Variants in RABGAP1 observed in about 807,000 individuals in gnomAD.
RABGAP1 encodes the protein rab GTPase-activating protein 1.
In RABGAP1, 23 loss-of-function variants were observed where a neutral mutation model predicts 137.6. That is an observed-to-expected ratio of 0.17 (90% confidence interval 0.12 to 0.24). RABGAP1 has a LOEUF of 0.24. Among genes scored for constraint, RABGAP1 ranks in the 10% least tolerant of loss-of-function variants. RABGAP1 has a pLI of 1.00. For synonymous variants in RABGAP1, 451 were observed against 450.7 expected, an observed-to-expected ratio of 1.00 and a Z score of -0.01; for missense variants, 906 against 1,275.8, an observed-to-expected ratio of 0.71 and a Z score of 4.42.
chr9:122,980,677 ATAGGCAT>A (rs1835999007), intron 2 of RABGAP1, among the ~76,000 whole-genome samples: 1 of 152,224 alleles, frequency 6.6e-6, no homozygotes, highest in Non-Finnish European at 1.5e-5. Context: ...TCTAGTGGAG[ATAGGCAT>A]GTGCCAAAAG....
intron 10 of RABGAP1, 116 bp from the exon 11 acceptor site, chr9:123,010,238 C>G: frequency 3.4e-6 from 3 of 880,986 alleles, no homozygotes; most frequent in Non-Finnish European, 3.3e-6. Flanking sequence ...TGTATGAAAT[C>G]AGAAGTGATT....
At chr9:122,961,389 C>A (rs1009194576) in intron 2 of RABGAP1, among the ~76,000 whole-genome samples, 12 of 151,972 alleles carry the variant, frequency 7.9e-5, no homozygotes, top group African/African-American at 2.7e-4. Context: ...GCACTTAAAC[C>A]AAAAAAACTG....
intron 15 of RABGAP1, chr9:123,071,411 G>C (rs1163148829): frequency 6.6e-6 from 1 of 152,164 alleles, no homozygotes; most frequent in Non-Finnish European, 1.5e-5. Flanking sequence ...TCATGATTCA[G>C]TTTAAAATGC....
chr9:123,058,118 T>C (rs1380345959), intron 13 of RABGAP1, among the ~76,000 whole-genome samples: 1 of 152,034 alleles, frequency 6.6e-6, no homozygotes, highest in African/African-American at 2.4e-5. Flanking sequence ...TGAGTGATTG[T>C]GGAAACTGTC....
chr9:123,099,446 A>C (rs2035278003), intron 23 of RABGAP1, 32 bp from the exon 24 acceptor site: 1 of 1,559,750 alleles, frequency 6.4e-7, no homozygotes, highest in Admixed American at 1.7e-5. Context: ...ACAATTGCTC[A>C]AGAGATTGTT....
At chr9:123,048,140 T>C (rs539004846) in intron 13 of RABGAP1, among the ~76,000 whole-genome samples, 4 of 152,140 alleles carry the variant, frequency 2.6e-5, no homozygotes, top group South Asian at 2.1e-4. Flanking sequence ...GGTTTCACCA[T>C]GTTGGCCAGG....
intron 6 of RABGAP1, among the ~76,000 whole-genome samples, chr9:122,991,879 G>A: frequency 6.6e-6 from 1 of 151,998 alleles, no homozygotes; most frequent in East Asian, 1.9e-4. Context: ...GGGATTACAG[G>A]CATGAGCCAA....
chr9:122,934,461 TTG>T, the RABGAP1 span, among the ~76,000 whole-genome samples: 1 of 152,098 alleles, frequency 6.6e-6, no homozygotes, highest in Non-Finnish European at 1.5e-5. Flanking sequence ...AGCATGTGGA[TTG>T]TGTGTGTGTG....
chr9:123,078,983 T>TTG (rs1233581514), intron 19 of RABGAP1, among the ~76,000 whole-genome samples: 5 of 152,190 alleles, frequency 3.3e-5, no homozygotes, highest in Non-Finnish European at 7.3e-5. Context: ...TCTTTCCAAA[T>TTG]GTTTTTTATG....
chr9:123,073,729 G>T (rs1472769947), intron 16 of RABGAP1, 52 bp downstream of exon 16: 2 of 1,601,278 alleles, frequency 1.2e-6, no homozygotes, highest in African/African-American at 2.7e-5. Context: ...GGACTAAGGA[G>T]CACCAAATTG....
intron 1 of RABGAP1, among the ~76,000 whole-genome samples, chr9:122,942,722 A>G (rs1408305942): frequency 1.3e-5 from 2 of 151,172 alleles, no homozygotes; most frequent in African/African-American, 4.8e-5. Context: ...AGAAGTCTTT[A>G]TAAATCTTCC....
intron 13 of RABGAP1, 21 bp downstream of exon 13, chr9:123,020,480 C>A (rs775542156): frequency 6.6e-7 from 1 of 1,516,188 alleles, no homozygotes; most frequent in Non-Finnish European, 8.9e-7. Flanking sequence ...GATAATTCAG[C>A]TTCAGCATTA....
At chr9:122,939,647 A>G (rs567132338), upstream of RABGAP1, 1 of 152,324 alleles carries the variant, frequency 6.6e-6, no homozygotes, top group East Asian at 1.9e-4. Context: ...AAATACATGA[A>G]AGTATGGGCA....
chr9:122,945,147 C>CTTTGTTTTTTTTTTTTTTTTTTTTT (rs1833873059), intron 1 of RABGAP1, among the ~76,000 whole-genome samples: 2 of 75,772 alleles, frequency 2.6e-5, no homozygotes, highest in Non-Finnish European at 5.7e-5. Flanking sequence ...ATAGCTGTTG[C>CTTTGTTTTTTTTTTTTTTTTTTTTT]TTTTTTTTTT....
At chr9:122,965,410 G>T (rs183967677) in intron 2 of RABGAP1, among the ~76,000 whole-genome samples, 1 of 152,064 alleles carries the variant, frequency 6.6e-6, no homozygotes, top group Non-Finnish European at 1.5e-5. Flanking sequence ...TTTTTGAGAC[G>T]GAGTCTCTTG....
chr9:123,050,167 T>G (rs1479290689), intron 13 of RABGAP1, among the ~76,000 whole-genome samples: 1 of 152,186 alleles, frequency 6.6e-6, no homozygotes, highest in African/African-American at 2.4e-5. Context: ...CATGGGTATC[T>G]AATTCCAGTC....
rs2035406391 is a variant in RABGAP1 at position 123,103,588 on chromosome 9, C to CATATACAT, written c.*380_*381insCATATATA. 4.4e-5 allele frequency: 2 copies of CATATACAT among 44,966 alleles called. No homozygotes were observed. Among genetic ancestry groups the CATATACAT allele is most frequent in the African/African-American group, 1.2e-4 (2 of 16,150 alleles). The allele number at this position is 44,966 out of a possible 1,614,324, so 2.8% of individuals were successfully genotyped here. On this transcript the variant is annotated 3_prime_UTR_variant, in exon 26 of 26. Transcript: ENST00000373647. ...TTCTAAACCTTTTTTTTTTAATATA[C>CATATACAT]ATATATATATATATATATATATATA... is the stretch of plus-strand genomic sequence containing the variant.
the RABGAP1 span, among the ~76,000 whole-genome samples, chr9:122,932,537 TC>T: frequency 1.3e-5 from 2 of 151,000 alleles, no homozygotes; most frequent in Non-Finnish European, 2.9e-5. Context: ...TCTTTTTTTT[TC>T]TTTTTTTTGA....
intron 10 of RABGAP1, among the ~76,000 whole-genome samples, chr9:123,007,524 CG>C (rs1286263418): frequency 1.3e-5 from 2 of 149,292 alleles, no homozygotes; most frequent in African/African-American, 4.9e-5. Flanking sequence ...ACCACAGATG[CG>C]CACCACCACA....
Sources: gnomAD v4.1 joint callset for allele counts (sites outside exome capture counted in the v4.1 genomes callset) on GRCh38, gnomAD v4.1.1 for gene constraint, MANE v1.5 for transcripts, NCBI Gene and HGNC (gene_info 2026-07-23, HGNC 2026-07-21) for gene names.